Variants in WDPCP observed in about 807,000 individuals in gnomAD.
The protein encoded by WDPCP is WD repeat-containing and planar cell polarity effector protein fritz homolog.
In WDPCP, 71 loss-of-function variants were observed where a neutral mutation model predicts 93.1. The observed-to-expected ratio is 0.76, with a 90% CI of 0.63 to 0.93. The LOEUF is 0.93. Among genes scored for constraint, WDPCP ranks in the 40% least tolerant of loss-of-function variants. The probability of loss-of-function intolerance (pLI) is 0.00; values close to 1 mark genes in which losing one functional copy is unlikely to be tolerated. For missense variants in WDPCP, 844 were observed against 887.4 expected (o/e 0.95, Z 0.62); for synonymous variants, 315 against 315.0 (o/e 1.00, Z 0.00).
chr2:63,596,928 T>G (rs1205586482), intron 3 of WDPCP, among the ~76,000 whole-genome samples: 1 of 152,202 alleles, frequency 6.6e-6, no homozygotes, highest in Non-Finnish European at 1.5e-5. Flanking sequence ...AAGATTAAAT[T>G]TGATAGTAAT....
intron 2 of WDPCP, among the ~76,000 whole-genome samples, chr2:63,788,140 A>AT (rs1670496582): frequency 6.6e-6 from 1 of 152,242 alleles, no homozygotes; most frequent in East Asian, 1.9e-4. Context: ...GATATCTAGC[A>AT]TATCTGTAGC....
At position 63,471,682 on chromosome 2, in the gene WDPCP, C is replaced by T. The variant is rs778383380; in HGVS notation, c.384+12922G>A. Among the ~76,000 whole-genome samples the T allele has an allele frequency of 6.6e-5, 10 of 152,172 alleles. 1 individual carries two copies. The South Asian group carries it at 8.3e-4, about 13-fold the overall frequency. Reference sequence around the variant, plus strand: ...CAGTTGCTTTCCATCTCTTCAACATCCTTCCTGGAACCTCCCATTCCCTGC... The same window carrying T: ...CAGTTGCTTTCCATCTCTTCAACATTCTTCCTGGAACCTCCCATTCCCTGC... On this transcript the variant is annotated intron_variant, in intron 6 of 17. Transcript: ENST00000272321.
chr2:63,377,575 C>T (rs1691952800), intron 12 of WDPCP, among the ~76,000 whole-genome samples: 1 of 151,032 alleles, frequency 6.6e-6, no homozygotes, highest in African/African-American at 2.4e-5. Context: ...ATATTTACCA[C>T]TCATCTTAAG....
chr2:63,257,586 C>G (rs1347822763), intron 14 of WDPCP, among the ~76,000 whole-genome samples: 3 of 152,100 alleles, frequency 2.0e-5, no homozygotes, highest in Admixed American at 6.6e-5. Context: ...AGGCCTGAGA[C>G]AAGGCTGAGA....
chr2:63,163,764 G>A (rs984234462), intron 15 of WDPCP, among the ~76,000 whole-genome samples: 6 of 151,974 alleles, frequency 3.9e-5, no homozygotes, highest in Admixed American at 3.3e-4. Context: ...TAAGTCTACT[G>A]CCAGGCATTC....
At chr2:63,566,095 T>C (rs549112640) in intron 1 of WDPCP, among the ~76,000 whole-genome samples, 2 of 152,174 alleles carry the variant, frequency 1.3e-5, no homozygotes, top group Non-Finnish European at 2.9e-5. Flanking sequence ...TCCCATCCAT[T>C]TCCCTTTACT....
Position 63,573,345 on chromosome 2 carries a change from G to A in WDPCP, c.75+14852C>T, listed in dbSNP as rs571608975. On this transcript the variant is annotated intron_variant, in intron 1 of 17. Transcript: ENST00000272321. ...GTCAGGGGCCCTGAACGGAGGGACC[G>A]GCTGAAGCCATGGCAGAAGAATGTG... is the stretch of plus-strand genomic sequence containing the variant. Among the ~76,000 whole-genome samples the A allele has an allele frequency of 1.8e-4, 27 of 152,282 alleles. 1 individual carries two copies. The South Asian group carries it at 2.3e-3, about 13-fold the overall frequency.
At chr2:63,269,485 T>C (rs1682445581) in intron 13 of WDPCP, among the ~76,000 whole-genome samples, 1 of 152,136 alleles carries the variant, frequency 6.6e-6, no homozygotes, top group Admixed American at 6.5e-5. Flanking sequence ...TTCATTACCT[T>C]TCACAGAAGA....
chr2:63,344,306 A>T (rs142441528), intron 12 of WDPCP, among the ~76,000 whole-genome samples: 5 of 152,136 alleles, frequency 3.3e-5, no homozygotes, highest in Admixed American at 1.3e-4. Context: ...CCTAACAGAG[A>T]TGCCTTTAAA....
chr2:63,221,043 T>G (rs1410078252), intron 14 of WDPCP, among the ~76,000 whole-genome samples: 3 of 152,250 alleles, frequency 2.0e-5, no homozygotes, highest in Admixed American at 6.5e-5. Flanking sequence ...CTATTCTTTT[T>G]ATGGCTGTAT....
intron 8 of WDPCP, among the ~76,000 whole-genome samples, chr2:63,434,331 C>T (rs576288026): frequency 4.6e-5 from 7 of 152,002 alleles, no homozygotes; most frequent in South Asian, 2.1e-4. Context: ...TAAGACATAA[C>T]GTGTTAACAA....
intron 3 of WDPCP, among the ~76,000 whole-genome samples, chr2:63,623,664 C>T (rs1438643363): frequency 2.0e-5 from 3 of 152,166 alleles, no homozygotes; most frequent in African/African-American, 4.8e-5. Context: ...GAACCCAATA[C>T]AGGAGCACCC....
At chr2:63,656,364 T>C (rs1380681565) in intron 2 of WDPCP, among the ~76,000 whole-genome samples, 4 of 152,194 alleles carry the variant, frequency 2.6e-5, no homozygotes, top group Admixed American at 2.6e-4. Context: ...GTTGGTGGCT[T>C]GGAAGTCACA....
rs1361677698 is a variant in WDPCP at position 63,404,575 on chromosome 2, TC to T, written c.907del (p.Glu303SerfsTer4). On this transcript the variant is annotated frameshift_variant, in exon 10 of 18. Transcript: ENST00000272321. LOFTEE classifies it high-confidence loss of function. The stretch of plus-strand genomic sequence containing the variant: ...CTCTTTGTCTACACTTACGGAGTGC[TC>T]CACTGTGAACACCTGATAAGGCTGT... ...TKQPYQVFTV[E>X]HSVSVDKEPM... The T allele has an allele frequency of 6.2e-7, 1 of 1,613,982 alleles. No homozygotes were observed. The highest frequency in any genetic ancestry group is 8.5e-7 in the Non-Finnish European group (1 of 1,179,962).
intron 2 of WDPCP, among the ~76,000 whole-genome samples, chr2:63,801,516 G>T (rs1040667446): frequency 2.0e-5 from 3 of 152,168 alleles, no homozygotes; most frequent in African/African-American, 7.2e-5. Flanking sequence ...GCTGTTGGCT[G>T]GGGTGGCCAG....
chr2:63,570,857 T>C (rs1450799967), intron 1 of WDPCP, among the ~76,000 whole-genome samples: 1 of 152,198 alleles, frequency 6.6e-6, no homozygotes, highest in Non-Finnish European at 1.5e-5. Context: ...CACACTGTGT[T>C]CAAATCCTTG....
chr2:63,122,126 ATTATTT>A, intron 17 of WDPCP, 70 bp from the exon 18 acceptor site: 2 of 1,284,268 alleles, frequency 1.6e-6, no homozygotes, highest in Non-Finnish European at 2.2e-6. Flanking sequence ...TTGTATCTTT[ATTATTT>A]TTAAGTACTG....
chr2:63,554,149 A>ACTTC (rs527769699), intron 1 of WDPCP, among the ~76,000 whole-genome samples: 228 of 152,330 alleles, frequency 1.5e-3, no homozygotes, highest in African/African-American at 5.3e-3. Flanking sequence ...AATTTGGAAC[A>ACTTC]CTTCCTGCTG....
In WDPCP at chr2:63,543,616, T is replaced by A. The variant is rs1206989833; in HGVS notation, c.75+44581A>T. Among the ~76,000 whole-genome samples, 3 of 152,160 alleles carry A rather than the reference T, an allele frequency of 2.0e-5. No homozygotes were observed. In the East Asian group the frequency reaches 5.8e-4, roughly 29 times the overall value. ...AACATATAAATAAAACAATAATAAT[T>A]ATTTTTCATTGCAGAAGCTGATTCT... On this transcript the variant is annotated intron_variant, in intron 1 of 17. Transcript: ENST00000272321.
Sources: gnomAD v4.1 joint callset for allele counts (sites outside exome capture counted in the v4.1 genomes callset) on GRCh38, gnomAD v4.1.1 for gene constraint, MANE v1.5 for transcripts, NCBI Gene and HGNC (gene_info 2026-07-23, HGNC 2026-07-21) for gene names.